Variants in ANO10 observed in about 807,000 individuals in gnomAD.
ANO10 encodes anoctamin-10.
ANO10 carries 77 observed loss-of-function variants against 74.7 expected under a neutral mutation model. The ratio of observed to expected loss-of-function variants is 1.03; its 90% CI spans 0.86 to 1.25. The LOEUF is 1.25. ANO10 is among the 50% of genes most tolerant of loss of function. ANO10 has a pLI of 0.00. For missense variants in ANO10, 721 were observed against 778.1 expected (o/e 0.93, Z 0.87); for synonymous variants, 279 against 284.9 (o/e 0.98, Z 0.21).
At chr3:43,413,341 T>C (rs996186848) in intron 12 of ANO10, among the ~76,000 whole-genome samples, 1 of 152,162 alleles carries the variant, frequency 6.6e-6, no homozygotes, top group Non-Finnish European at 1.5e-5. Context: ...ATTGTAATCC[T>C]GGTGGGGGTG....
At chr3:43,502,051 A>T (rs1370486733) in intron 11 of ANO10, among the ~76,000 whole-genome samples, 3 of 152,208 alleles carry the variant, frequency 2.0e-5, no homozygotes, top group African/African-American at 7.2e-5. Flanking sequence ...ATCCTTGTGC[A>T]TTGCTGGTGG....
At chr3:43,593,637 A>G (rs912723374) in intron 4 of ANO10, among the ~76,000 whole-genome samples, 2 of 151,938 alleles carry the variant, frequency 1.3e-5, no homozygotes, top group Admixed American at 6.6e-5. Flanking sequence ...AACAACCGGT[A>G]CCAGCCACTG....
chr3:43,508,746 A>G (rs1204070146), intron 11 of ANO10, among the ~76,000 whole-genome samples: 1 of 151,586 alleles, frequency 6.6e-6, no homozygotes, highest in African/African-American at 2.4e-5. Flanking sequence ...TTGAACAATG[A>G]GAACACCTGG....
At chr3:43,622,935 G>A (rs1255041469), upstream of ANO10, among the ~76,000 whole-genome samples, 2 of 152,144 alleles carry the variant, frequency 1.3e-5, no homozygotes, top group East Asian at 1.9e-4. Context: ...GCGCAGTCTC[G>A]GCTCACTGCA....
At chr3:43,604,976 T>A (rs74842475) in intron 2 of ANO10, among the ~76,000 whole-genome samples, 2 of 152,034 alleles carry the variant, frequency 1.3e-5, no homozygotes, top group Non-Finnish European at 2.9e-5. Flanking sequence ...GTTTTTTTTT[T>A]AAAGAGTCTA....
chr3:43,565,731 C>G lies in ANO10; in HGVS notation c.1219-4G>C. ...CAAAGCAATTGAGGAAGTTGAACTG[C>G]CAAAAAAAAAAAAAAAAAAGATAAG... On this transcript the variant is annotated splice_polypyrimidine_tract_variant and splice_region_variant and intron_variant, in intron 7 of 12. Coordinates refer to ENST00000292246, the MANE Select transcript of ANO10 (RefSeq NM_018075.5). 1 of 1,468,320 alleles carries G rather than the reference C, an allele frequency of 6.8e-7. No homozygotes were observed. 91.0% of individuals were successfully genotyped at this position (1,468,320 alleles called of 1,614,324 possible).
At chr3:43,389,163 T>G (rs1349742692) in intron 12 of ANO10, among the ~76,000 whole-genome samples, 1 of 152,234 alleles carries the variant, frequency 6.6e-6, no homozygotes. Flanking sequence ...CTCCTTGCTT[T>G]GCTTTTCAGA....
rs1025814851 is a variant in ANO10, at chr3:43,366,734, G to A, written c.*172C>T. On this transcript the variant is annotated 3_prime_UTR_variant, in exon 13 of 13. Coordinates refer to ENST00000292246, the MANE Select transcript of ANO10 (RefSeq NM_018075.5). ...GGAACTGCCAAGGATCCCGAGCCAA[G>A]CCACTGCGAAACTGAGAAGGGTGCT... 1 of 694,588 alleles carries A rather than the reference G, an allele frequency of 1.4e-6. No homozygotes were observed. The highest frequency in any genetic ancestry group is 1.6e-5 in the South Asian group (1 of 61,946). The allele number at this position is 694,588 out of a possible 1,614,324, so 43.0% of individuals were successfully genotyped here.
At chr3:43,580,300 A>G in intron 5 of ANO10, 53 bp downstream of exon 5, 1 of 1,611,538 alleles carries the variant, frequency 6.2e-7, no homozygotes, top group Non-Finnish European at 8.5e-7. Context: ...CTAGATCGTA[A>G]CTTTTCATCA....
chr3:43,592,285 G>C (rs972411420), intron 4 of ANO10, among the ~76,000 whole-genome samples: 1 of 152,208 alleles, frequency 6.6e-6, no homozygotes, highest in African/African-American at 2.4e-5. Context: ...ATCTGAGAAC[G>C]GACAGACTGC....
intron 1 of ANO10, among the ~76,000 whole-genome samples, chr3:43,636,968 GC>G (rs1159184493): frequency 6.6e-6 from 1 of 152,054 alleles, no homozygotes; most frequent in Non-Finnish European, 1.5e-5. Flanking sequence ...TTCAAAACCA[GC>G]CTGGGCAAAA....
chr3:43,605,669 G>C (rs375360257), intron 2 of ANO10, 45 bp downstream of exon 2: 2 of 1,605,700 alleles, frequency 1.2e-6, no homozygotes, highest in Non-Finnish European at 1.7e-6. Context: ...TGAGCATACA[G>C]TGTGGGAGGC....
intron 1 of ANO10, among the ~76,000 whole-genome samples, chr3:43,637,311 T>C (rs1291542154): frequency 1.3e-5 from 2 of 151,752 alleles, no homozygotes; most frequent in Non-Finnish European, 2.9e-5. Flanking sequence ...CTACTAAAAA[T>C]ACAAAAATTA....
At chr3:43,641,621 G>A (rs1016028137) in intron 1 of ANO10, among the ~76,000 whole-genome samples, 1 of 152,162 alleles carries the variant, frequency 6.6e-6, no homozygotes, top group Non-Finnish European at 1.5e-5. Flanking sequence ...TGACTTATAA[G>A]GTTGAAGTAC....
rs919974439 is a variant in ANO10, at chr3:43,524,161, G to A, written c.1797+25559C>T. ...GGAACCTTAAGAAAGAATAGCCCAG[G>A]AAGAAGCTCAGGAACAGGCTTAAGG... On this transcript the variant is annotated intron_variant, in intron 11 of 12. Transcript: ENST00000292246. 4.8e-5 allele frequency among the ~76,000 whole-genome samples: 7 copies of A among 146,942 alleles called. No homozygotes were observed. The South Asian group carries it at 1.1e-3, about 23-fold the overall frequency.
chr3:43,621,721 C>CA (rs1221974140), intron 1 of ANO10, 188 bp downstream of exon 1: 1 of 152,736 alleles, frequency 6.5e-6, no homozygotes, highest in Non-Finnish European at 1.5e-5. Flanking sequence ...CCTGCCCCCA[C>CA]AGCCCCCGCG....
chr3:43,455,831 A>G (rs900037216), intron 11 of ANO10, among the ~76,000 whole-genome samples: 9 of 152,056 alleles, frequency 5.9e-5, no homozygotes, highest in African/African-American at 2.2e-4. Flanking sequence ...AAAGATGAAT[A>G]TATAAAGATA....
chr3:43,579,823 T>G (rs2081184465), intron 5 of ANO10, among the ~76,000 whole-genome samples: 1 of 152,164 alleles, frequency 6.6e-6, no homozygotes, highest in South Asian at 2.1e-4. Flanking sequence ...TGAAGGGTAG[T>G]AAAAGCCTGT....
At position 43,538,508 on chromosome 3, in the gene ANO10, GT is replaced by G. The variant is rs376968879; in HGVS notation, c.1797+11211del. 9.9e-5 allele frequency among the ~76,000 whole-genome samples: 15 copies of G among 152,178 alleles called. 1 individual carries two copies. Among genetic ancestry groups the G allele is most frequent in the East Asian group, 9.6e-4 (5 of 5,188 alleles). ...TACAGAAGGATACCTTAAAGAACAG[GT>G]TTTTTTAACAACAATTACTATGGCA... is the stretch of plus-strand genomic sequence containing the variant. On this transcript the variant is annotated intron_variant, in intron 11 of 12. Coordinates refer to ENST00000292246, the MANE Select transcript of ANO10 (RefSeq NM_018075.5).
Sources: gnomAD v4.1 joint callset for allele counts (sites outside exome capture counted in the v4.1 genomes callset) on GRCh38, gnomAD v4.1.1 for gene constraint, MANE v1.5 for transcripts, NCBI Gene and HGNC (gene_info 2026-07-23, HGNC 2026-07-21) for gene names.